GYS2: variants seen among roughly 807,000 people sequenced by gnomAD.
GYS2 encodes glycogen synthase 2.
In GYS2, 80 loss-of-function variants were observed where a neutral mutation model predicts 85.6. That is an observed-to-expected ratio of 0.93 (90% confidence interval 0.78 to 1.13). GYS2 has a LOEUF of 1.13. GYS2 is among the 50% of genes most tolerant of loss of function. The pLI is 0.00. For missense variants in GYS2, 881 were observed against 854.9 expected, an observed-to-expected ratio of 1.03 and a Z score of -0.38; for synonymous variants, 328 against 300.7, an observed-to-expected ratio of 1.09 and a Z score of -0.94.
chr12:21,571,907 A>T (rs188066629), intron 4 of GYS2, among the ~76,000 whole-genome samples: 27 of 147,676 alleles, frequency 1.8e-4, no homozygotes, highest in Non-Finnish European at 3.0e-4. Flanking sequence ...GGTTGCAGTG[A>T]GCCGAGATCA....
chr12:21,548,216 T>A (rs1580300), intron 11 of GYS2, among the ~76,000 whole-genome samples: 104,871 of 151,840 alleles, frequency 0.69, 37,789 homozygotes, highest in South Asian at 0.8. Context: ...TGGAGAAAAT[T>A]TTTTTTTTGC....
rs1944424011 is a variant in GYS2, at chr12:21,574,602, A to G, written c.496-276T>C. ...ATACTAATATTAATAACAGGTAATGAATATTAATAAATAAATGGAATAAAT... is the reference window on the plus strand; with the variant it reads ...ATACTAATATTAATAACAGGTAATGGATATTAATAAATAAATGGAATAAAT... On this transcript the variant is annotated intron_variant, in intron 3 of 15. Transcript: ENST00000261195. Among the ~76,000 whole-genome samples the G allele has an allele frequency of 2.0e-5, 3 of 152,278 alleles. No homozygotes were observed. The South Asian group carries it at 6.2e-4, about 32-fold the overall frequency.
rs187225830 is a variant in GYS2, at chr12:21,552,094, G to A, written c.1423-5624C>T. Among the ~76,000 whole-genome samples, 399 of 152,290 alleles carry A rather than the reference G, an allele frequency of 2.6e-3. 18 individuals carry two copies. The highest frequency in any genetic ancestry group is 3.2e-3 in the Non-Finnish European group (217 of 68,018). Reference sequence around the variant, plus strand: ...TTAGAGGTCAGCTGAAGGTTATAAAGAGGATTAAATGAGATCCTGTACAAA... The same window carrying A: ...TTAGAGGTCAGCTGAAGGTTATAAAAAGGATTAAATGAGATCCTGTACAAA... On this transcript the variant is annotated intron_variant, in intron 11 of 15. Transcript: ENST00000261195.
At chr12:21,568,092 G>T (rs1349393826) in intron 5 of GYS2, among the ~76,000 whole-genome samples, 7 of 151,900 alleles carry the variant, frequency 4.6e-5, no homozygotes, top group African/African-American at 1.7e-4. Context: ...AAGAAAAAGG[G>T]GTCGAAATCA....
rs768287810 is a variant in GYS2, at chr12:21,540,483, C to T, written c.1736G>A (p.Arg579His). Reference protein sequence around the residue: ...KFLYGFCKQSRRQRIIQRNRT... With the variant: ...KFLYGFCKQSHRQRIIQRNRT... ...GTTCCTCTGGATAATCCTTTGGCGG[C>T]GTGACTGTTTGCAAAATCCATAGAG... is the stretch of plus-strand genomic sequence containing the variant. The change falls in exon 14 of 16, where the codon CGC becomes CAC. Residue 579 changes from arginine to histidine, a missense_variant. Coordinates refer to ENST00000261195, the MANE Select transcript of GYS2 (RefSeq NM_021957.4). 13 of 1,613,746 alleles carry T rather than the reference C, an allele frequency of 8.1e-6. No homozygotes were observed. Among genetic ancestry groups the T allele is most frequent in the South Asian group, 4.4e-5 (4 of 91,076 alleles).
intron 4 of GYS2, among the ~76,000 whole-genome samples, chr12:21,572,764 T>TA (rs1944401398): frequency 6.6e-6 from 1 of 152,210 alleles, no homozygotes; most frequent in African/African-American, 2.4e-5. Flanking sequence ...ATTTCTTCCT[T>TA]AAAACCAAAG....
At chr12:21,586,864 C>T (rs1168569126) in intron 1 of GYS2, among the ~76,000 whole-genome samples, 1 of 152,142 alleles carries the variant, frequency 6.6e-6, no homozygotes, top group Non-Finnish European at 1.5e-5. Flanking sequence ...AAAAAGATAT[C>T]TGCATTAGTA....
intron 1 of GYS2, among the ~76,000 whole-genome samples, chr12:21,589,212 C>T (rs1944607604): frequency 6.6e-6 from 1 of 152,086 alleles, no homozygotes; most frequent in Non-Finnish European, 1.5e-5. Context: ...TAGATGCAAA[C>T]ATTTTTATTT....
At chr12:21,596,211 T>C (rs2136933136) in intron 1 of GYS2, among the ~76,000 whole-genome samples, 1 of 152,210 alleles carries the variant, frequency 6.6e-6, no homozygotes, top group East Asian at 1.9e-4. Context: ...TTTGACACTA[T>C]TCTACAAGAC....
At chr12:21,586,443 CT>C (rs900712809) in intron 1 of GYS2, among the ~76,000 whole-genome samples, 5 of 151,824 alleles carry the variant, frequency 3.3e-5, no homozygotes, top group African/African-American at 9.7e-5. Context: ...ATCTATCTAT[CT>C]ATCTATCTAT....
At chr12:21,584,992 G>A (rs1384971933) in intron 1 of GYS2, among the ~76,000 whole-genome samples, 6 of 152,148 alleles carry the variant, frequency 3.9e-5, no homozygotes, top group Non-Finnish European at 8.8e-5. Flanking sequence ...TGCCAACTAG[G>A]TGACAATACT....
At chr12:21,565,260 T>G (rs4762846) in intron 5 of GYS2, among the ~76,000 whole-genome samples, 146,545 of 150,294 alleles carry the variant, frequency 0.98, 71,553 homozygotes, top group East Asian at 1. Context: ...GAGAGAGAGA[T>G]AGATAATTTT....
At chr12:21,534,445 A>G (rs1000241937), downstream of GYS2, among the ~76,000 whole-genome samples, 3 of 152,158 alleles carry the variant, frequency 2.0e-5, no homozygotes, top group Non-Finnish European at 4.4e-5. Context: ...TGAGCCTGGG[A>G]AGTGGAGGTT....
rs1943916456 is a variant in GYS2, at chr12:21,536,934, T to A, written c.*20A>T. The A allele has an allele frequency of 6.6e-7, 1 of 1,523,366 alleles. No individual in the cohort carries two copies. The highest frequency in any genetic ancestry group is 1.4e-5 in the African/African-American group (1 of 72,914). 94.4% of individuals were successfully genotyped at this position (1,523,366 alleles called of 1,614,324 possible). A position where few individuals can be genotyped will look rare whatever the true frequency, so the allele number is the denominator to read the frequency against. The stretch of plus-strand genomic sequence containing the variant: ...TACTTTGCTTTTTTAAATTAGCTCT[T>A]CATGCAGCACATGTAGAATTCAGTT... On this transcript the variant is annotated 3_prime_UTR_variant, in exon 16 of 16. Coordinates refer to ENST00000261195, the MANE Select transcript of GYS2 (RefSeq NM_021957.4).
chr12:21,563,379 C>A (rs17849020), intron 5 of GYS2, 34 bp from the exon 6 acceptor site: 332 of 1,107,046 alleles, frequency 3.0e-4, no homozygotes, highest in East Asian at 2.9e-3. Flanking sequence ...TATGAAAATT[C>A]TCTTTTCAAA....
chr12:21,582,339 A>C (rs927639326), intron 1 of GYS2, among the ~76,000 whole-genome samples: 1 of 152,144 alleles, frequency 6.6e-6, no homozygotes, highest in Non-Finnish European at 1.5e-5. Context: ...ATCAGTTGCC[A>C]GCACAGCCAG....
chr12:21,581,184 G>A lies in GYS2; in HGVS notation c.122-661C>T, dbSNP rs555587719. On this transcript the variant is annotated intron_variant, in intron 1 of 15. Coordinates refer to ENST00000261195, the MANE Select transcript of GYS2 (RefSeq NM_021957.4). ...CATGGTATTTCTCTCTTCCTAGTAA[G>A]GGAGGAGACCACCCTTCATATTGTT... Among the ~76,000 whole-genome samples, 15 of 152,264 alleles carry A rather than the reference G, an allele frequency of 9.9e-5. No homozygotes were observed. The East Asian group carries it at 2.9e-3, about 29-fold the overall frequency.
intron 1 of GYS2, among the ~76,000 whole-genome samples, chr12:21,604,049 A>C (rs1457654979): frequency 6.6e-6 from 1 of 152,186 alleles, no homozygotes; most frequent in Non-Finnish European, 1.5e-5. Context: ...AGCATTTCAT[A>C]TAATTACTAA....
chr12:21,589,789 C>T (rs555608990), intron 1 of GYS2, among the ~76,000 whole-genome samples: 8 of 152,274 alleles, frequency 5.3e-5, no homozygotes, highest in African/African-American at 1.9e-4. Context: ...CGCACAAAGG[C>T]ATTGCTCCAG....
Sources: allele counts gnomAD v4.1 joint callset (sites outside exome capture counted in the v4.1 genomes callset), GRCh38; gene constraint gnomAD v4.1.1; transcripts MANE v1.5; gene names NCBI Gene and HGNC (gene_info 2026-07-23, HGNC 2026-07-21).